Variants in FBXW7 observed in about 807,000 individuals in gnomAD.
FBXW7 encodes the protein F-box and WD repeat domain containing 7.
FBXW7 carries 11 observed loss-of-function variants against 86.3 expected under a neutral mutation model. The ratio of observed to expected loss-of-function variants is 0.13; its 90% CI spans 0.08 to 0.21. The LOEUF (loss-of-function observed/expected upper bound fraction) is 0.21. Ranked by LOEUF, FBXW7 falls within the 10% of genes least tolerant of loss-of-function variation. The pLI is 1.00. For synonymous variants in FBXW7, 313 were observed against 297.9 expected (o/e 1.05, Z -0.52); for missense variants, 488 against 847.4 (o/e 0.58, Z 5.27).
intron 4 of FBXW7, among the ~76,000 whole-genome samples, chr4:152,351,401 T>A (rs547359448): frequency 1.7e-3 from 256 of 152,202 alleles, no homozygotes; most frequent in Middle Eastern, 0.014. Flanking sequence ...ATGCCATACC[T>A]ACTGGAAAGA....
chr4:152,365,761 G>A (rs1733421929), intron 4 of FBXW7, among the ~76,000 whole-genome samples: 1 of 152,126 alleles, frequency 6.6e-6, no homozygotes, highest in Non-Finnish European at 1.5e-5. Context: ...GAAAGGTCTG[G>A]GTTGGAGATG....
chr4:152,339,835 A>C (rs2126598038), intron 6 of FBXW7, among the ~76,000 whole-genome samples: 1 of 145,802 alleles, frequency 6.9e-6, no homozygotes, highest in East Asian at 2.1e-4. Context: ...CCAGCTACTC[A>C]GGGGGCTGTG....
intron 4 of FBXW7, among the ~76,000 whole-genome samples, chr4:152,368,786 T>C (rs1733726071): frequency 1.3e-5 from 2 of 152,108 alleles, no homozygotes; most frequent in Non-Finnish European, 1.5e-5. Flanking sequence ...ATTTTAAAAA[T>C]TCCAATTTAA....
At chr4:152,526,477 C>A (rs1554003019) in intron 2 of FBXW7, among the ~76,000 whole-genome samples, 1 of 151,678 alleles carries the variant, frequency 6.6e-6, no homozygotes, top group African/African-American at 2.4e-5. Context: ...ATTAAGCACA[C>A]AAAAAAAGGA....
intron 4 of FBXW7, among the ~76,000 whole-genome samples, chr4:152,359,954 A>T (rs1156262816): frequency 6.6e-6 from 1 of 152,190 alleles, no homozygotes; most frequent in Non-Finnish European, 1.5e-5. Context: ...AGAGGGAAGA[A>T]GGAAATTACC....
Position 152,535,326 on chromosome 4 carries a change from A to T in FBXW7, c.-412T>A. 3.0e-6 allele frequency: 1 copy of T among 336,350 alleles called. No individual in the cohort carries two copies. The highest frequency in any genetic ancestry group is 5.4e-6 in the Non-Finnish European group (1 of 186,850). The allele number at this position is 336,350 out of a possible 1,614,324, so 20.8% of individuals were successfully genotyped here. Reference sequence around the variant, plus strand: ...TGGGGCGGGGGAGGGGGGCTCTAGGAACTCCTCCCGGAGTCCAGCCAAGGA... The same window carrying T: ...TGGGGCGGGGGAGGGGGGCTCTAGGTACTCCTCCCGGAGTCCAGCCAAGGA... On this transcript the variant is annotated 5_prime_UTR_variant, in exon 1 of 14. Transcript: ENST00000281708.
intron 4 of FBXW7, among the ~76,000 whole-genome samples, chr4:152,388,832 A>G (rs1735762783): frequency 6.6e-6 from 1 of 152,142 alleles, no homozygotes; most frequent in South Asian, 2.1e-4. Context: ...TTACATCTCT[A>G]AATCAACAGA....
intron 2 of FBXW7, among the ~76,000 whole-genome samples, chr4:152,508,768 T>C (rs545011641): frequency 1.3e-5 from 2 of 152,072 alleles, no homozygotes; most frequent in African/African-American, 4.8e-5. Flanking sequence ...TCCCATAGGA[T>C]ACTTTTTTTT....
chr4:152,427,274 G>C (rs1379538842), intron 2 of FBXW7, among the ~76,000 whole-genome samples: 1 of 152,210 alleles, frequency 6.6e-6, no homozygotes, highest in East Asian at 1.9e-4. Context: ...AGTGGAAGCT[G>C]CTGATGACTA....
chr4:152,501,479 A>T (rs1230262476), intron 2 of FBXW7, among the ~76,000 whole-genome samples: 2 of 152,240 alleles, frequency 1.3e-5, no homozygotes, highest in African/African-American at 4.8e-5. Context: ...GGATAAAAGC[A>T]AAGTAATAAA....
intron 2 of FBXW7, among the ~76,000 whole-genome samples, chr4:152,514,171 G>A (rs1260021732): frequency 1.3e-5 from 2 of 151,920 alleles, no homozygotes; most frequent in African/African-American, 2.4e-5. Context: ...TAACTATCTC[G>A]CTTGCATTCC....
chr4:152,483,282 T>A (rs1425280443), intron 2 of FBXW7, among the ~76,000 whole-genome samples: 1 of 152,272 alleles, frequency 6.6e-6, no homozygotes, highest in East Asian at 1.9e-4. Flanking sequence ...CTTTGCTATA[T>A]GTTACAAATA....
chr4:152,380,263 A>C (rs1383178578), intron 4 of FBXW7, among the ~76,000 whole-genome samples: 1 of 151,992 alleles, frequency 6.6e-6, no homozygotes, highest in African/African-American at 2.4e-5. Flanking sequence ...AATATCTTTA[A>C]AATTTCTAAT....
intron 2 of FBXW7, among the ~76,000 whole-genome samples, chr4:152,441,459 A>G (rs1356933920): frequency 6.6e-6 from 1 of 152,174 alleles, no homozygotes; most frequent in South Asian, 2.1e-4. Flanking sequence ...TAATGTCAAT[A>G]TAAGACCAAC....
chr4:152,326,033 C>T lies in FBXW7; in HGVS notation c.1617G>A (p.Gly539=), dbSNP rs1385754319. Residue 539 remains glycine, a synonymous_variant, in exon 12 of 14, where the codon GGG becomes GGA. Coordinates refer to ENST00000281708, the MANE Select transcript of FBXW7 (RefSeq NM_001349798.2). ...ETETCLHTLQ[G]HTNRVYSLQF... ...GTAATGAATAGACTCTATTAGTATG[C>T]CCCTGCAACGTGTGTAGACAGGTTT... is the stretch of plus-strand genomic sequence containing the variant. 3 of 1,612,998 alleles carry T rather than the reference C, an allele frequency of 1.9e-6. No homozygotes were observed. Among genetic ancestry groups the T allele is most frequent in the Non-Finnish European group, 1.7e-6 (2 of 1,179,390 alleles).
At chr4:152,534,704 T>C (rs747708349) in intron 2 of FBXW7, among the ~76,000 whole-genome samples, 7 of 152,142 alleles carry the variant, frequency 4.6e-5, no homozygotes, top group Non-Finnish European at 1.0e-4. Flanking sequence ...GTGCGAGTAT[T>C]CACTTTGGAG....
intron 4 of FBXW7, among the ~76,000 whole-genome samples, chr4:152,407,410 A>G (rs1737510310): frequency 6.6e-6 from 1 of 152,182 alleles, no homozygotes; most frequent in Non-Finnish European, 1.5e-5. Flanking sequence ...ACATGTATAT[A>G]CCAAACAGAC....
intron 4 of FBXW7, among the ~76,000 whole-genome samples, chr4:152,392,687 C>T (rs1334599294): frequency 6.6e-6 from 1 of 152,058 alleles, no homozygotes. Context: ...ATAACCGAGA[C>T]ATCTTATAAA....
intron 2 of FBXW7, among the ~76,000 whole-genome samples, chr4:152,527,735 A>T (rs1004147129): frequency 3.3e-5 from 5 of 152,078 alleles, no homozygotes; most frequent in Non-Finnish European, 5.9e-5. Context: ...AGCAAGGATC[A>T]CACCACTGCC....
Sources: gnomAD v4.1 joint callset for allele counts (sites outside exome capture counted in the v4.1 genomes callset) on GRCh38, gnomAD v4.1.1 for gene constraint, MANE v1.5 for transcripts, NCBI Gene and HGNC (gene_info 2026-07-23, HGNC 2026-07-21) for gene names.